GATAD2A: variants seen among roughly 807,000 people sequenced by gnomAD.
GATAD2A encodes the protein transcriptional repressor p66-alpha.
In GATAD2A, 12 loss-of-function variants were observed where a neutral mutation model predicts 68.5. That is an observed-to-expected ratio of 0.18 (90% CI 0.11 to 0.28). The LOEUF is 0.28. GATAD2A is among the 10% of genes least tolerant of loss of function. GATAD2A has a pLI of 1.00. For missense variants in GATAD2A, 755 were observed against 868.5 expected (o/e 0.87, Z 1.64); for synonymous variants, 410 against 375.3 (o/e 1.09, Z -1.07).
chr19:19,475,490 C>CCA (rs1555713836), intron 2 of GATAD2A, among the ~76,000 whole-genome samples: 1 of 151,438 alleles, frequency 6.6e-6, no homozygotes, highest in South Asian at 2.1e-4. Flanking sequence ...GAGCCCCCCC[C>CCA]CCTCCACTGC....
Position 19,505,615 on chromosome 19 carries a change from G to A in GATAD2A, c.*141G>A. On this transcript the variant is annotated 3_prime_UTR_variant, in exon 12 of 12. Transcript: ENST00000683918. ...AGCAAGCACCGGCCATGCTGCAGAG[G>A]CAAGACCTCAATTCTTGGCTGCAAA... 1 of 707,198 alleles carries A rather than the reference G, an allele frequency of 1.4e-6. No individual in the cohort carries two copies. The highest frequency in any genetic ancestry group is 2.2e-6 in the Non-Finnish European group (1 of 455,992). 43.8% of individuals were successfully genotyped at this position (707,198 alleles called of 1,614,324 possible).
intron 2 of GATAD2A, among the ~76,000 whole-genome samples, chr19:19,474,517 G>C (rs894324127): frequency 2.0e-5 from 3 of 152,200 alleles, no homozygotes; most frequent in African/African-American, 7.2e-5. Context: ...GCTTCCTTCT[G>C]AGTGTTTTGG....
chr19:19,489,014 T>C (rs2059616732), intron 2 of GATAD2A, among the ~76,000 whole-genome samples: 1 of 152,252 alleles, frequency 6.6e-6, no homozygotes, highest in Non-Finnish European at 1.5e-5. Context: ...TATAATTAAA[T>C]ATTTCCCTGA....
rs149013606 is a variant in GATAD2A, at chr19:19,503,237, C to T, written c.1774+711C>T. Among the ~76,000 whole-genome samples the T allele has an allele frequency of 4.9e-3, 748 of 152,262 alleles. 10 individuals carry two copies. The highest frequency in any genetic ancestry group is 0.017 in the African/African-American group (701 of 41,538). On this transcript the variant is annotated intron_variant, in intron 11 of 11. Transcript: ENST00000683918. Reference sequence around the variant, plus strand: ...AGGGCCAAGTTAAGGAGATGGGCACCCTCTGGGAGAGGAAGCAAAGTGTCC... The same window carrying T: ...AGGGCCAAGTTAAGGAGATGGGCACTCTCTGGGAGAGGAAGCAAAGTGTCC...
chr19:19,451,017 G>A (rs1308290273), intron 1 of GATAD2A, among the ~76,000 whole-genome samples: 1 of 151,758 alleles, frequency 6.6e-6, no homozygotes, highest in African/African-American at 2.4e-5. Flanking sequence ...TGATCCGCCT[G>A]CCTCAGCCTC....
chr19:19,399,576 C>T (rs944268563), intron 1 of GATAD2A, among the ~76,000 whole-genome samples: 4 of 152,072 alleles, frequency 2.6e-5, no homozygotes, highest in Non-Finnish European at 4.4e-5. Context: ...ACCTTTTTGA[C>T]CTAAATTTGA....
chr19:19,420,411 A>G lies in GATAD2A; in HGVS notation c.-7+14392A>G, dbSNP rs1230196483. The stretch of plus-strand genomic sequence containing the variant: ...CAGTGGCGCGATCTCGGCTCACTGG[A>G]AGCTCTGCCTCCCAGGTTCCCGCCA... On this transcript the variant is annotated intron_variant, in intron 1 of 11. Coordinates refer to ENST00000683918, the MANE Select transcript of GATAD2A (RefSeq NM_001384528.1). Among the ~76,000 whole-genome samples, 10 of 142,540 alleles carry G rather than the reference A, an allele frequency of 7.0e-5. No homozygotes were observed. The East Asian group carries it at 2.1e-3, about 30-fold the overall frequency. The allele number at this position is 142,540 out of a possible 152,430, so 93.5% of individuals were successfully genotyped here.
At chr19:19,449,987 G>A (rs2056197518) in intron 1 of GATAD2A, among the ~76,000 whole-genome samples, 1 of 150,318 alleles carries the variant, frequency 6.7e-6, no homozygotes, top group South Asian at 2.1e-4. Flanking sequence ...TCAGGGTCTT[G>A]CTATGTTGCC....
intron 1 of GATAD2A, among the ~76,000 whole-genome samples, chr19:19,430,622 C>T (rs2053615093): frequency 6.6e-6 from 1 of 152,146 alleles, no homozygotes; most frequent in Non-Finnish European, 1.5e-5. Flanking sequence ...GGTCTGGGCC[C>T]AGGGAAGGGA....
intron 1 of GATAD2A, among the ~76,000 whole-genome samples, chr19:19,442,791 C>T (rs1470169155): frequency 2.0e-5 from 3 of 151,182 alleles, no homozygotes; most frequent in Non-Finnish European, 4.4e-5. Context: ...AAAAAAAACC[C>T]ACAGTTTCTT....
chr19:19,482,659 T>C (rs2059137262), intron 2 of GATAD2A, among the ~76,000 whole-genome samples: 1 of 152,090 alleles, frequency 6.6e-6, no homozygotes, highest in Non-Finnish European at 1.5e-5. Flanking sequence ...TGGAGAGGAT[T>C]ATGTGGAAGG....
At chr19:19,472,066 T>C (rs1464403776) in intron 2 of GATAD2A, among the ~76,000 whole-genome samples, 1 of 152,222 alleles carries the variant, frequency 6.6e-6, no homozygotes. Context: ...TTGTTCTTTT[T>C]AAAAAATTTT....
At chr19:19,474,002 CAG>C in intron 2 of GATAD2A, 1 of 981,462 alleles carries the variant, frequency 1.0e-6, no homozygotes, top group Non-Finnish European at 1.2e-6. Flanking sequence ...AAAAACAAAT[CAG>C]AAAGTAATGT....
Position 19,495,824 on chromosome 19 carries a change from C to T in GATAD2A, c.695C>T (p.Ser232Leu), listed in dbSNP as rs749436124. 5.6e-6 allele frequency: 9 copies of T among 1,613,684 alleles called. No homozygotes were observed. Among genetic ancestry groups the T allele is most frequent in the South Asian group, 1.1e-5 (1 of 91,068 alleles). Residue 232 changes from serine to leucine, a missense_variant, in exon 6 of 12, where the codon TCG becomes TTG. By Grantham distance (145) the Ser-to-Leu change is moderately radical. Coordinates refer to ENST00000683918, the MANE Select transcript of GATAD2A (RefSeq NM_001384528.1). Reference protein sequence around the residue: ...PLVRGGQQASSKLGPQASSQV... With the variant: ...PLVRGGQQASLKLGPQASSQV... Reference sequence around the variant, plus strand: ...GTCCGAGGTGGGCAGCAGGCGTCCTCGAAGCTGGGGCCACAGGCGAGCTCA... The same window carrying T: ...GTCCGAGGTGGGCAGCAGGCGTCCTTGAAGCTGGGGCCACAGGCGAGCTCA...
rs149509418 is a variant in GATAD2A, at chr19:19,482,597, C to T, written c.270-9709C>T. Among the ~76,000 whole-genome samples the T allele has an allele frequency of 3.0e-4, 46 of 152,094 alleles. 1 individual carries two copies. The highest frequency in any genetic ancestry group is 1.0e-3 in the African/African-American group (43 of 41,480). On this transcript the variant is annotated intron_variant, in intron 2 of 11. Transcript: ENST00000683918. Reference sequence around the variant, plus strand: ...GTGTGACCTTAGGAAGTCATGTGGCCCTCCCTTAAGATTGTTCCCTGTACT... The same window carrying T: ...GTGTGACCTTAGGAAGTCATGTGGCTCTCCCTTAAGATTGTTCCCTGTACT...
intron 2 of GATAD2A, 139 bp from the exon 3 acceptor site, chr19:19,492,167 G>A (rs1568332505): frequency 1.1e-6 from 1 of 877,742 alleles, no homozygotes; most frequent in East Asian, 2.7e-5. Context: ...GAGCCATGGG[G>A]CAGGGCAGGG....
At chr19:19,456,587 A>G (rs1414453570) in intron 1 of GATAD2A, among the ~76,000 whole-genome samples, 1 of 152,226 alleles carries the variant, frequency 6.6e-6, no homozygotes, top group Non-Finnish European at 1.5e-5. Context: ...TTTTTATCAC[A>G]TGGGTTTGCA....
At chr19:19,419,385 C>T (rs1311400684) in intron 1 of GATAD2A, among the ~76,000 whole-genome samples, 1 of 152,058 alleles carries the variant, frequency 6.6e-6, no homozygotes, top group Non-Finnish European at 1.5e-5. Flanking sequence ...CCATGGAACT[C>T]TGAGGGTTTC....
chr19:19,484,650 C>T (rs2059311805), intron 2 of GATAD2A, among the ~76,000 whole-genome samples: 1 of 150,664 alleles, frequency 6.6e-6, no homozygotes, highest in Non-Finnish European at 1.5e-5. Context: ...TCTCCTGCCT[C>T]AGCCTCCCGA....
Sources: gnomAD v4.1 joint callset for allele counts (sites outside exome capture counted in the v4.1 genomes callset) on GRCh38, gnomAD v4.1.1 for gene constraint, MANE v1.5 for transcripts, NCBI Gene and HGNC (gene_info 2026-07-23, HGNC 2026-07-21) for gene names.